ANKRD30B: variants seen among roughly 807,000 people sequenced by gnomAD.
ANKRD30B encodes ankyrin repeat domain 30B.
In ANKRD30B, 144 loss-of-function variants were observed where a neutral mutation model predicts 202.2. The observed-to-expected ratio is 0.71, with a 90% CI of 0.62 to 0.82. ANKRD30B has a LOEUF of 0.82. Among genes scored for constraint, ANKRD30B ranks in the 40% least tolerant of loss-of-function variants. The pLI, the probability that ANKRD30B is intolerant of heterozygous loss-of-function variation, is 0.00. For synonymous variants in ANKRD30B, 508 were observed against 561.3 expected (o/e 0.91, Z 1.34); for missense variants, 1,487 against 1,669.1 (o/e 0.89, Z 1.90).
chr18:14,774,338 CTT>C (rs1967217951), intron 9 of ANKRD30B, among the ~76,000 whole-genome samples: 1 of 152,106 alleles, frequency 6.6e-6, no homozygotes, highest in Admixed American at 6.5e-5. Flanking sequence ...GGTCACGTCT[CTT>C]GTTTGTTTCT....
the ANKRD30B span, among the ~76,000 whole-genome samples, chr18:14,890,502 G>T: frequency 6.6e-6 from 1 of 151,402 alleles, no homozygotes; most frequent in Non-Finnish European, 1.5e-5. Flanking sequence ...AGGTAGTCTT[G>T]TTATCCCAGT....
At chr18:14,834,760 T>C (rs191269060) in intron 34 of ANKRD30B, among the ~76,000 whole-genome samples, 107 of 152,112 alleles carry the variant, frequency 7.0e-4, no homozygotes, top group Middle Eastern at 3.4e-3. Context: ...TATGTGAATG[T>C]ATTAAGTGAT....
At chr18:14,826,834 C>G (rs1970692095) in intron 32 of ANKRD30B, among the ~76,000 whole-genome samples, 1 of 151,800 alleles carries the variant, frequency 6.6e-6, no homozygotes, top group Non-Finnish European at 1.5e-5. Context: ...TTTTTTTCTT[C>G]TATAAGTGCA....
At chr18:14,932,779 C>T in the ANKRD30B span, among the ~76,000 whole-genome samples, 1 of 152,214 alleles carries the variant, frequency 6.6e-6, no homozygotes, top group Admixed American at 6.5e-5. Flanking sequence ...CCTGTGGGCT[C>T]ACAGCTCTTG....
In ANKRD30B at chr18:14,808,557, C is replaced by T. The variant is rs752321544; in HGVS notation, c.2291C>T (p.Pro764Leu). The change falls in exon 25 of 44, where the codon CCT (proline) becomes CTT (leucine). Residue 764 changes from proline to leucine, a missense_variant. Physicochemically the swap from Pro to Leu is moderately conservative, Grantham distance 98. This residue lies in a region of ANKRD30B where 218 missense variants were observed against 320.1 expected (regional missense o/e 0.68). Coordinates refer to ENST00000690538, the MANE Select transcript of ANKRD30B (RefSeq NM_001367607.2). Reference protein sequence around the residue: ...DTLSGKLEESPDKDGLLKPTC... With the variant: ...DTLSGKLEESLDKDGLLKPTC... Reference sequence around the variant, plus strand: ...TATGTCCCTTTTCTTTTAGAGTCTCCTGATAAAGATGGTCTTCTGAAGGTA... The same window carrying T: ...TATGTCCCTTTTCTTTTAGAGTCTCTTGATAAAGATGGTCTTCTGAAGGTA... 103 of 1,517,960 alleles carry T rather than the reference C, an allele frequency of 6.8e-5. No individual in the cohort carries two copies. Among genetic ancestry groups the T allele is most frequent in the Non-Finnish European group, 1.8e-5 (20 of 1,098,410 alleles). 94.0% of individuals were successfully genotyped at this position (1,517,960 alleles called of 1,614,324 possible).
At chr18:14,922,443 C>T in the ANKRD30B span, among the ~76,000 whole-genome samples, 1 of 151,858 alleles carries the variant, frequency 6.6e-6, no homozygotes, top group Non-Finnish European at 1.5e-5. Flanking sequence ...ATCAAGAGGT[C>T]AGGAGATTGA....
chr18:14,836,797 C>T (rs1166780514), intron 34 of ANKRD30B, among the ~76,000 whole-genome samples: 1 of 151,856 alleles, frequency 6.6e-6, no homozygotes, highest in Non-Finnish European at 1.5e-5. Context: ...TATTATTTTG[C>T]ACATGCTATT....
the ANKRD30B span, among the ~76,000 whole-genome samples, chr18:14,873,073 TA>T: frequency 6.6e-6 from 1 of 152,218 alleles, no homozygotes; most frequent in South Asian, 2.1e-4. Context: ...AATAGATACA[TA>T]AATACTTTGC....
Position 14,822,497 on chromosome 18 carries a change from G to A in ANKRD30B, c.2656G>A (p.Asp886Asn). Residue 886 changes from aspartate to asparagine, a missense_variant, in exon 31 of 44, where the codon GAT becomes AAT. Physicochemically the swap from Asp to Asn is conservative, Grantham distance 23 (BLOSUM62 1). This residue lies in a region of ANKRD30B where 218 missense variants were observed against 320.1 expected (regional missense o/e 0.68). Coordinates refer to ENST00000690538, the MANE Select transcript of ANKRD30B (RefSeq NM_001367607.2). ...TTTTCTTTTAGAGTCTCCTGATAAA[G>A]ATGGTCTTCTGAAGGTAATAACTTT... Reference protein sequence around the residue: ...SGKLEESPDKDGLLKPTCGMK... With the variant: ...SGKLEESPDKNGLLKPTCGMK... The A allele has an allele frequency of 7.2e-7, 1 of 1,392,518 alleles. No individual in the cohort carries two copies. The highest frequency in any genetic ancestry group is 1.0e-6 in the Non-Finnish European group (1 of 996,036). The allele number at this position is 1,392,518 out of a possible 1,614,324, so 86.3% of individuals were successfully genotyped here. A position where few individuals can be genotyped will look rare whatever the true frequency, so the allele number is the denominator to read the frequency against.
At chr18:14,908,826 T>C in the ANKRD30B span, among the ~76,000 whole-genome samples, 1 of 152,118 alleles carries the variant, frequency 6.6e-6, no homozygotes, top group African/African-American at 2.4e-5. Context: ...GGCCCTCCCC[T>C]GTGGTATGGG....
rs762981119 is a variant in ANKRD30B at position 14,760,531 on chromosome 18, A to G, written c.756-23A>G. On this transcript the variant is annotated intron_variant, in intron 5 of 43. Transcript: ENST00000690538. ...TATATCTTGTTAAAATAGTAATTTT[A>G]TTTATTACATTTTTATACATAGCAT... 2.1e-5 allele frequency: 26 copies of G among 1,258,654 alleles called. No homozygotes were observed. In the East Asian group the frequency reaches 5.5e-4, roughly 26 times the overall value. 78.0% of individuals were successfully genotyped at this position (1,258,654 alleles called of 1,614,324 possible).
At chr18:14,884,749 T>A in the ANKRD30B span, among the ~76,000 whole-genome samples, 1 of 152,084 alleles carries the variant, frequency 6.6e-6, no homozygotes, top group African/African-American at 2.4e-5. Context: ...AAATCAGATG[T>A]TACTGGAAAG....
intron 8 of ANKRD30B, among the ~76,000 whole-genome samples, chr18:14,771,259 A>C (rs2143796340): frequency 6.6e-6 from 1 of 152,286 alleles, no homozygotes; most frequent in East Asian, 1.9e-4. Flanking sequence ...TGCAGAAGAA[A>C]GATCTGGAAG....
chr18:14,862,310 A>G, the ANKRD30B span, among the ~76,000 whole-genome samples: 2 of 151,100 alleles, frequency 1.3e-5, no homozygotes, highest in East Asian at 3.9e-4. Flanking sequence ...CAAAAAAACC[A>G]TACAAGGAAT....
intron 34 of ANKRD30B, among the ~76,000 whole-genome samples, chr18:14,832,794 A>ATCTTATTT (rs1343538148): frequency 1.3e-5 from 2 of 152,222 alleles, no homozygotes; most frequent in Non-Finnish European, 2.9e-5. Flanking sequence ...ATCTTGAGAA[A>ATCTTATTT]ATATGTCATA....
chr18:14,787,093 A>G lies in ANKRD30B; in HGVS notation c.1727A>G (p.Asp576Gly). The G allele has an allele frequency of 6.2e-7, 1 of 1,608,892 alleles. No individual in the cohort carries two copies. Among genetic ancestry groups the G allele is most frequent in the Non-Finnish European group, 8.5e-7 (1 of 1,176,812 alleles). ...KQKDDEENSW[D>G]SESPCETVSQ... ...AAGGACGATGAAGAAAATTCTTGGG[A>G]TTCTGAGGTACTATGTGTTATTGAT... Residue 576 changes from aspartate (D) to glycine (G), a missense_variant, in exon 15 of 44, where the codon GAT becomes GGT. Around this residue, in one of 6 missense-constraint regions of ANKRD30B, gnomAD observed 889 missense variants for 841.4 expected, o/e 1.06. Transcript: ENST00000690538.
the ANKRD30B span, among the ~76,000 whole-genome samples, chr18:14,925,370 T>C: frequency 3.3e-5 from 5 of 152,162 alleles, no homozygotes; most frequent in African/African-American, 7.2e-5. Context: ...TTCTTTCCTC[T>C]TGGGCTTGAT....
chr18:14,851,591 A>T lies in ANKRD30B; in HGVS notation c.3647A>T (p.Glu1216Val), dbSNP rs1284748701. The change falls in exon 42 of 44, where the codon GAA (glutamate) becomes GTA (valine). Residue 1216 changes from glutamate (E) to valine (V), a missense_variant. By Grantham distance (121) the Glu-to-Val change is moderately radical. Around this residue, in one of 6 missense-constraint regions of ANKRD30B, gnomAD observed 177 missense variants for 216.4 expected, o/e 0.82. Transcript: ENST00000690538. ...AAGGAAATTGCCATGCTAAAACTGG[A>T]AGTAGCCACACTGAAACATCAACAC... ...LKKEIAMLKL[E>V]VATLKHQHQV... 6.2e-7 allele frequency: 1 copy of T among 1,608,360 alleles called. No homozygotes were observed. Among genetic ancestry groups the T allele is most frequent in the African/African-American group, 1.3e-5 (1 of 74,412 alleles).
intron 30 of ANKRD30B, chr18:14,816,747 T>C (rs527637834): frequency 6.6e-6 from 1 of 151,864 alleles, no homozygotes; most frequent in African/African-American, 2.4e-5. Context: ...ATTAAGAAAG[T>C]ATGGCACATA....
Sources: allele counts gnomAD v4.1 joint callset (sites outside exome capture counted in the v4.1 genomes callset), GRCh38; gene constraint gnomAD v4.1.1; regional missense constraint gnomAD v4.1.1; transcripts MANE v1.5; gene names NCBI Gene and HGNC (gene_info 2026-07-23, HGNC 2026-07-21).